The following SYNPR variants were observed in gnomAD, a reference collection of about 807,000 sequenced individuals.
The protein encoded by SYNPR is synaptoporin.
Under a neutral mutation model 32.9 loss-of-function variants are expected in SYNPR, and 23 were observed. That is an observed-to-expected ratio of 0.70 (90% CI 0.50 to 0.99). The LOEUF (loss-of-function observed/expected upper bound fraction) is 0.99. Ranked by LOEUF, SYNPR falls within the 50% of genes least tolerant of loss-of-function variation. The pLI, the probability that SYNPR is intolerant of heterozygous loss-of-function variation, is 0.00. For synonymous variants in SYNPR, 146 were observed against 135.9 expected, an observed-to-expected ratio of 1.07 and a Z score of -0.52; for missense variants, 318 against 349.3, an observed-to-expected ratio of 0.91 and a Z score of 0.71.
intron 2 of SYNPR, among the ~76,000 whole-genome samples, chr3:63,361,123 G>A (rs2087653709): frequency 6.6e-6 from 1 of 152,170 alleles, no homozygotes; most frequent in South Asian, 2.1e-4. Context: ...ATATCCAGGA[G>A]ATTCAGAATC....
intron 1 of SYNPR, among the ~76,000 whole-genome samples, chr3:63,243,011 T>A (rs2086259865): frequency 6.6e-6 from 1 of 151,682 alleles, no homozygotes; most frequent in Non-Finnish European, 1.5e-5. Flanking sequence ...AGAATATAGA[T>A]CCAAGGTAAT....
intron 4 of SYNPR, among the ~76,000 whole-genome samples, chr3:63,560,079 TGA>T: frequency 6.6e-6 from 1 of 152,356 alleles, no homozygotes; most frequent in Middle Eastern, 3.4e-3. Flanking sequence ...CAAGATATGA[TGA>T]AATCCTGAAT....
chr3:63,259,498 A>G (rs887605096), intron 2 of SYNPR, among the ~76,000 whole-genome samples: 5 of 152,222 alleles, frequency 3.3e-5, no homozygotes, highest in Admixed American at 3.3e-4. Context: ...ATAGATGCAG[A>G]AAAGGCCTTT....
intron 2 of SYNPR, among the ~76,000 whole-genome samples, chr3:63,418,299 C>T (rs1052428041): frequency 3.9e-5 from 6 of 152,164 alleles, no homozygotes; most frequent in Admixed American, 3.9e-4. Flanking sequence ...CTGAGACCAC[C>T]TCAGCCTAGA....
upstream of SYNPR, among the ~76,000 whole-genome samples, chr3:63,224,581 C>T (rs73845839): frequency 8.1e-4 from 124 of 152,320 alleles, no homozygotes; most frequent in African/African-American, 2.7e-3. Context: ...CATGAAACCT[C>T]TTGGAAAGTT....
At chr3:63,613,532 G>A (rs976534595) in intron 5 of SYNPR, among the ~76,000 whole-genome samples, 1 of 145,576 alleles carries the variant, frequency 6.9e-6, no homozygotes, top group Admixed American at 7.2e-5. Context: ...ATCAGTTGGG[G>A]GCCTAGAGTC....
At chr3:63,228,816 T>C (rs983623290) in intron 1 of SYNPR, among the ~76,000 whole-genome samples, 9 of 151,206 alleles carry the variant, frequency 6.0e-5, no homozygotes, top group African/African-American at 2.2e-4. Context: ...AGAAAGTGCA[T>C]GGGAAAAAAC....
At chr3:63,226,785 G>T (rs138668375), upstream of SYNPR, among the ~76,000 whole-genome samples, 9 of 152,202 alleles carry the variant, frequency 5.9e-5, no homozygotes, top group African/African-American at 2.2e-4. Context: ...AAGCTCTAAA[G>T]TTCAATAGCA....
At chr3:63,518,166 C>G (rs1380658199) in intron 3 of SYNPR, among the ~76,000 whole-genome samples, 1 of 152,116 alleles carries the variant, frequency 6.6e-6, no homozygotes, top group African/African-American at 2.4e-5. Flanking sequence ...TCCTTTCACA[C>G]CAAGTCTATC....
At chr3:63,264,256 T>C (rs114169474) in intron 2 of SYNPR, among the ~76,000 whole-genome samples, 140 of 152,220 alleles carry the variant, frequency 9.2e-4, no homozygotes, top group African/African-American at 2.9e-3. Flanking sequence ...CTATCTGATA[T>C]TGGGTAGATT....
At chr3:63,564,327 G>C (rs56358598) in intron 4 of SYNPR, among the ~76,000 whole-genome samples, 2 of 151,784 alleles carry the variant, frequency 1.3e-5, no homozygotes, top group African/African-American at 2.4e-5. Flanking sequence ...CTCCCCAGTA[G>C]CTGAGATTAC....
chr3:63,343,637 C>T (rs1366674881), intron 2 of SYNPR, among the ~76,000 whole-genome samples: 1 of 152,210 alleles, frequency 6.6e-6, no homozygotes, highest in Non-Finnish European at 1.5e-5. Flanking sequence ...AACATTCAGA[C>T]TATCAAAAAC....
the SYNPR span, among the ~76,000 whole-genome samples, chr3:63,206,452 T>C: frequency 2.0e-5 from 3 of 152,024 alleles, no homozygotes; most frequent in African/African-American, 7.2e-5. Context: ...TCCCAGCTAC[T>C]TGGGAGGCTG....
intron 2 of SYNPR, among the ~76,000 whole-genome samples, chr3:63,380,534 T>G (rs2087952915): frequency 6.6e-6 from 1 of 152,216 alleles, no homozygotes; most frequent in Admixed American, 6.5e-5. Flanking sequence ...TTGATGGTGT[T>G]GTTTGTTTTT....
the SYNPR span, among the ~76,000 whole-genome samples, chr3:63,218,493 T>C: frequency 6.6e-6 from 1 of 152,226 alleles, no homozygotes; most frequent in Non-Finnish European, 1.5e-5. Flanking sequence ...CTTTATTTTA[T>C]AGGAGAGAGT....
chr3:63,209,938 T>G, the SYNPR span, among the ~76,000 whole-genome samples: 2 of 152,134 alleles, frequency 1.3e-5, no homozygotes, highest in African/African-American at 4.8e-5. Context: ...GATGGGTGCT[T>G]GAGAAATATT....
intron 3 of SYNPR, among the ~76,000 whole-genome samples, chr3:63,502,311 G>C (rs966469408): frequency 6.6e-6 from 1 of 151,164 alleles, no homozygotes; most frequent in Admixed American, 6.6e-5. Context: ...CCCCTTCCCC[G>C]CCACATGCAT....
At chr3:63,362,398 C>A (rs563123432) in intron 2 of SYNPR, among the ~76,000 whole-genome samples, 2 of 152,188 alleles carry the variant, frequency 1.3e-5, no homozygotes, top group Admixed American at 6.5e-5. Flanking sequence ...ATATGAGCAA[C>A]CACTAAGTGA....
rs182670612 is a variant in SYNPR, at chr3:63,453,083, A to C, written c.85-27749A>C. Among the ~76,000 whole-genome samples, 13 of 152,198 alleles carry C rather than the reference A, an allele frequency of 8.5e-5. 2 individuals are homozygous for C. Among genetic ancestry groups the C allele is most frequent in the Admixed American group, 7.9e-4 (12 of 15,280 alleles). On this transcript the variant is annotated intron_variant, in intron 2 of 5. Coordinates refer to ENST00000478300, the MANE Select transcript of SYNPR (RefSeq NM_001130003.2). ...ATGCAGAGTCTCAGGTTCCATCCCGACCTATTGAGTATTGGAATCTACGTT... is the reference window on the plus strand; with the variant it reads ...ATGCAGAGTCTCAGGTTCCATCCCGCCCTATTGAGTATTGGAATCTACGTT...
Sources: allele counts gnomAD v4.1 joint callset (sites outside exome capture counted in the v4.1 genomes callset), GRCh38; gene constraint gnomAD v4.1.1; transcripts MANE v1.5; gene names NCBI Gene and HGNC (gene_info 2026-07-23, HGNC 2026-07-21).